The following TLN2 variants were observed in gnomAD, a reference collection of about 807,000 sequenced individuals.
The protein encoded by TLN2 is talin-2.
In TLN2, 118 loss-of-function variants were observed where a neutral mutation model predicts 294.7. The ratio of observed to expected loss-of-function variants is 0.40; its 90% CI spans 0.34 to 0.47. The LOEUF (loss-of-function observed/expected upper bound fraction) is 0.47. Among genes scored for constraint, TLN2 ranks in the 20% least tolerant of loss-of-function variants. TLN2 has a pLI of 0.84. For synonymous variants in TLN2, 1,431 were observed against 1,304.5 expected (o/e 1.10, Z -2.09); for missense variants, 3,083 against 3,282.2 (o/e 0.94, Z 1.48).
chr15:62,684,823 C>T (rs2057151450), intron 11 of TLN2, among the ~76,000 whole-genome samples: 1 of 150,530 alleles, frequency 6.6e-6, no homozygotes, highest in African/African-American at 2.5e-5. Flanking sequence ...AATGATGATA[C>T]CAGTGTTTTG....
At chr15:62,731,189 C>G (rs2140943115) in intron 28 of TLN2, among the ~76,000 whole-genome samples, 1 of 151,818 alleles carries the variant, frequency 6.6e-6, no homozygotes, top group Non-Finnish European at 1.5e-5. Flanking sequence ...ATATTGTCAT[C>G]TAATTTCTTC....
chr15:62,520,737 A>G (rs745680997), intron 1 of TLN2, among the ~76,000 whole-genome samples: 6 of 152,192 alleles, frequency 3.9e-5, no homozygotes, highest in Admixed American at 6.5e-5. Flanking sequence ...TTACTTACTT[A>G]ATAGTTGTTT....
chr15:62,800,505 C>A lies in TLN2; in HGVS notation c.6360+12C>A, dbSNP rs2065860832. 1 of 1,613,508 alleles carries A rather than the reference C, an allele frequency of 6.2e-7. No individual in the cohort carries two copies. The highest frequency in any genetic ancestry group is 1.3e-5 in the African/African-American group (1 of 75,030). ...AGGGGGCTGCCAAGGTAGAGTGGGG[C>A]TCCGACTGGGGATGAGCACCTGAGT... is the stretch of plus-strand genomic sequence containing the variant. On this transcript the variant is annotated intron_variant, in intron 49 of 58. Transcript: ENST00000636159.
intron 1 of TLN2, among the ~76,000 whole-genome samples, chr15:62,552,698 G>A (rs2042390521): frequency 6.6e-6 from 1 of 152,206 alleles, no homozygotes; most frequent in Admixed American, 6.5e-5. Context: ...TCATACATGA[G>A]TCACAGTGCT....
chr15:62,490,851 C>T (rs1343432726), intron 1 of TLN2, among the ~76,000 whole-genome samples: 1 of 152,110 alleles, frequency 6.6e-6, no homozygotes, highest in Non-Finnish European at 1.5e-5. Context: ...GTCATTCCCA[C>T]CTTTAACACT....
intron 9 of TLN2, among the ~76,000 whole-genome samples, chr15:62,669,224 C>G (rs372323639): frequency 2.0e-5 from 3 of 152,140 alleles, no homozygotes; most frequent in African/African-American, 7.2e-5. Context: ...TGCAGTAGCT[C>G]AATTTTTATA....
intron 1 of TLN2, among the ~76,000 whole-genome samples, chr15:62,588,914 G>T (rs1324174156): frequency 6.6e-6 from 1 of 151,016 alleles, no homozygotes. Flanking sequence ...CTTTTATTTT[G>T]AGTTTATTCT....
At position 62,753,832 on chromosome 15, in the gene TLN2, G is replaced by A. The variant is rs763108692; in HGVS notation, c.4392G>A (p.Val1464=). ...PNSQAGHQGL[V]DPIQFARANQ... Reference sequence around the variant, plus strand: ...GCCAGGCAGGCCACCAGGGCCTGGTGGACCCCATCCAGTTTGCCAGGGCTA... The same window carrying A: ...GCCAGGCAGGCCACCAGGGCCTGGTAGACCCCATCCAGTTTGCCAGGGCTA... The change falls in exon 36 of 59, where the codon GTG becomes GTA. Residue 1464 remains valine, a synonymous_variant. Transcript: ENST00000636159. 1.2e-6 allele frequency: 2 copies of A among 1,612,774 alleles called. No homozygotes were observed. The highest frequency in any genetic ancestry group is 1.1e-5 in the South Asian group (1 of 90,682).
chr15:62,832,804 A>G (rs1261537402), intron 54 of TLN2: 1 of 151,492 alleles, frequency 6.6e-6, no homozygotes, highest in Non-Finnish European at 1.5e-5. Flanking sequence ...TACCCAGGAA[A>G]AAGACAACTT....
intron 58 of TLN2, 58 bp downstream of exon 58, chr15:62,839,039 A>C: frequency 6.7e-7 from 1 of 1,494,484 alleles, no homozygotes; most frequent in Non-Finnish European, 8.8e-7. Flanking sequence ...GGGTTATAAC[A>C]GAGACAAAAG....
At chr15:62,428,992 A>G (rs920559044) in intron 1 of TLN2, among the ~76,000 whole-genome samples, 1 of 151,972 alleles carries the variant, frequency 6.6e-6, no homozygotes, top group East Asian at 1.9e-4. Context: ...CTGGGGCCCT[A>G]TTGAAAGCTT....
At chr15:62,767,560 A>T (rs1021738062) in intron 41 of TLN2, among the ~76,000 whole-genome samples, 1 of 152,086 alleles carries the variant, frequency 6.6e-6, no homozygotes, top group Admixed American at 6.5e-5. Flanking sequence ...GCTGGTCTCA[A>T]ACTCCCAACC....
chr15:62,765,268 T>A (rs561860048), intron 40 of TLN2, among the ~76,000 whole-genome samples: 5 of 152,292 alleles, frequency 3.3e-5, no homozygotes, highest in African/African-American at 1.2e-4. Context: ...TTGGCCGTCT[T>A]GGAAGTTTCT....
chr15:62,777,956 T>C (rs1227149596), intron 43 of TLN2, among the ~76,000 whole-genome samples: 1 of 152,240 alleles, frequency 6.6e-6, no homozygotes, highest in East Asian at 1.9e-4. Context: ...ATTGCCATCC[T>C]GTGATAGCAT....
intron 1 of TLN2, among the ~76,000 whole-genome samples, chr15:62,454,411 G>A (rs1350499461): frequency 1.3e-5 from 2 of 152,160 alleles, no homozygotes; most frequent in African/African-American, 2.4e-5. Flanking sequence ...ACCCATTGGA[G>A]GGGTCTGGTT....
At chr15:62,661,238 T>C (rs1400937892) in intron 9 of TLN2, among the ~76,000 whole-genome samples, 1 of 152,102 alleles carries the variant, frequency 6.6e-6, no homozygotes, top group Non-Finnish European at 1.5e-5. Context: ...ATGATAAAAT[T>C]GAAGGTGACT....
chr15:62,591,984 C>A (rs543126803), intron 2 of TLN2, among the ~76,000 whole-genome samples: 1 of 152,182 alleles, frequency 6.6e-6, no homozygotes, highest in South Asian at 2.1e-4. Flanking sequence ...CAGATCTATG[C>A]CGTTACCAAG....
chr15:62,511,182 A>G (rs929016441), intron 1 of TLN2, among the ~76,000 whole-genome samples: 5 of 152,362 alleles, frequency 3.3e-5, no homozygotes, highest in Non-Finnish European at 5.9e-5. Context: ...CAAAACAGCT[A>G]TTAGCAGCAC....
At chr15:62,798,137 G>T (rs1337642100) in intron 48 of TLN2, among the ~76,000 whole-genome samples, 1 of 152,144 alleles carries the variant, frequency 6.6e-6, no homozygotes, top group East Asian at 1.9e-4. Flanking sequence ...GGACATTGGT[G>T]TCCCCAGCTG....
Sources: gnomAD v4.1 joint callset for allele counts (sites outside exome capture counted in the v4.1 genomes callset) on GRCh38, gnomAD v4.1.1 for gene constraint, MANE v1.5 for transcripts, NCBI Gene and HGNC (gene_info 2026-07-23, HGNC 2026-07-21) for gene names.